KCTD1: variants seen among roughly 807,000 people sequenced by gnomAD.
KCTD1 encodes the protein potassium channel tetramerization domain containing 1, also known as BTB/POZ domain-containing protein KCTD1.
A neutral mutation model predicts 66.0 loss-of-function variants in KCTD1; 24 were observed. The observed-to-expected ratio is 0.36, with a 90% CI of 0.26 to 0.51. The LOEUF is 0.51. KCTD1 is among the 20% of genes least tolerant of loss of function. The pLI is 0.95. For synonymous variants in KCTD1, 511 were observed against 517.2 expected (o/e 0.99, Z 0.16); for missense variants, 943 against 1,205.2 (o/e 0.78, Z 3.22).
chr18:26,473,863 T>C (rs1981204343), intron 3 of KCTD1, among the ~76,000 whole-genome samples: 1 of 152,184 alleles, frequency 6.6e-6, no homozygotes, highest in Admixed American at 6.5e-5. Context: ...TATTACACTC[T>C]CTCTATTTTC....
chr18:26,568,505 G>T (rs897211713), intron 1 of KCTD1, among the ~76,000 whole-genome samples: 1 of 151,988 alleles, frequency 6.6e-6, no homozygotes, highest in Non-Finnish European at 1.5e-5. Flanking sequence ...CCAAGGTGCT[G>T]GGATTATGGG....
rs1981382288 is a variant in KCTD1 at position 26,476,994 on chromosome 18, T to TA, written c.1989-336_1989-335insT. On this transcript the variant is annotated intron_variant, in intron 2 of 4. Coordinates refer to ENST00000580059, the MANE Select transcript of KCTD1 (RefSeq NM_001142730.3). The surrounding 1 kb of genome is among the most constrained non-coding windows in gnomAD (Gnocchi z 4.9). ...TACTTAAAACAAGCATCCCTGATAC[T>TA]TAAAAAATGTTATTGCTCCAAAGCA... 1 of 191,718 alleles carries TA rather than the reference T, an allele frequency of 5.2e-6. No individual in the cohort carries two copies. The highest frequency in any genetic ancestry group is 6.2e-5 in the Admixed American group (1 of 16,218). 11.9% of individuals were successfully genotyped at this position (191,718 alleles called of 1,614,324 possible). A position where few individuals can be genotyped will look rare whatever the true frequency, so the allele number is the denominator to read the frequency against.
intron 1 of KCTD1, among the ~76,000 whole-genome samples, chr18:26,553,623 G>C (rs917263382): frequency 6.6e-6 from 1 of 152,168 alleles, no homozygotes; most frequent in South Asian, 2.1e-4. Context: ...CTATGGCTCA[G>C]TTCTCTCATT....
At chr18:26,652,726 A>G (rs1350870604) in intron 1 of KCTD1, among the ~76,000 whole-genome samples, 1 of 152,170 alleles carries the variant, frequency 6.6e-6, no homozygotes, top group Non-Finnish European at 1.5e-5. Context: ...CCAATTGTTG[A>G]ACAAATGGAG....
In KCTD1 at chr18:26,475,520, A is replaced by G. The variant is rs564158033; in HGVS notation, c.2133+995T>C. ...TATAATTTTTGTTGTATATTTTTCT[A>G]TTATAGCTTATGATTGGCTCTTGCT... On this transcript the variant is annotated intron_variant, in intron 3 of 4. Transcript: ENST00000580059. Among the ~76,000 whole-genome samples, 6 of 152,214 alleles carry G rather than the reference A, an allele frequency of 3.9e-5. No homozygotes were observed. The South Asian group carries it at 1.0e-3, about 26-fold the overall frequency.
At chr18:26,585,716 A>G (rs1986457743) in intron 1 of KCTD1, among the ~76,000 whole-genome samples, 1 of 152,252 alleles carries the variant, frequency 6.6e-6, no homozygotes, top group Admixed American at 6.5e-5. Context: ...TGTGTGACAC[A>G]TCTAATTTTA....
chr18:26,645,213 G>A (rs974676558), upstream of KCTD1, among the ~76,000 whole-genome samples: 13 of 152,130 alleles, frequency 8.5e-5, no homozygotes, highest in African/African-American at 3.1e-4. Context: ...ATGTTTCCCA[G>A]GGTTATTTGA....
At chr18:26,467,410 G>A (rs965953283) in intron 3 of KCTD1, among the ~76,000 whole-genome samples, 22 of 152,254 alleles carry the variant, frequency 1.4e-4, no homozygotes, top group African/African-American at 4.3e-4. Flanking sequence ...CAGCTACTTC[G>A]GGGGCGCTGA....
chr18:26,470,562 T>A (rs1326811489), intron 3 of KCTD1, among the ~76,000 whole-genome samples: 1 of 152,230 alleles, frequency 6.6e-6, no homozygotes, highest in Non-Finnish European at 1.5e-5. Context: ...TGGTCCTCGA[T>A]AACATTGCTG....
At chr18:26,628,050 C>T (rs1450145503) in intron 1 of KCTD1, among the ~76,000 whole-genome samples, 3 of 152,176 alleles carry the variant, frequency 2.0e-5, no homozygotes, top group African/African-American at 4.8e-5. Context: ...TATAACCTTC[C>T]CTGGGCTAGA....
rs1982963082 is a variant in KCTD1, at chr18:26,505,106, AC to A, written c.1810-3857del. On this transcript the variant is annotated intron_variant, in intron 1 of 4. Transcript: ENST00000580059. The stretch of plus-strand genomic sequence containing the variant: ...GCTAGTTTGAAATGGGATTTCTGCC[AC>A]CTGTCTTGATAAGGAATCCTTCCTG... 2.6e-5 allele frequency among the ~76,000 whole-genome samples: 4 copies of A among 152,264 alleles called. No individual in the cohort carries two copies. The South Asian group carries it at 8.3e-4, about 31-fold the overall frequency.
At chr18:26,500,225 A>C (rs1028535184) in intron 2 of KCTD1, among the ~76,000 whole-genome samples, 6 of 151,892 alleles carry the variant, frequency 4.0e-5, no homozygotes, top group African/African-American at 1.5e-4. Flanking sequence ...AGACCAGCCT[A>C]GGGAACACAG....
intron 1 of KCTD1, among the ~76,000 whole-genome samples, chr18:26,564,845 T>C (rs1271079528): frequency 1.3e-5 from 2 of 149,946 alleles, no homozygotes; most frequent in Non-Finnish European, 3.0e-5. Flanking sequence ...GCTGAGACTG[T>C]GCCATTGCAC....
intron 1 of KCTD1, among the ~76,000 whole-genome samples, chr18:26,625,556 T>C (rs554829632): frequency 6.6e-6 from 1 of 152,260 alleles, no homozygotes; most frequent in South Asian, 2.1e-4. Flanking sequence ...GATTGTAAGT[T>C]TCCTGAGGCT....
intron 1 of KCTD1, among the ~76,000 whole-genome samples, chr18:26,529,375 G>A (rs910273905): frequency 1.3e-5 from 2 of 152,140 alleles, no homozygotes; most frequent in Non-Finnish European, 2.9e-5. Context: ...TTTCTCTCCC[G>A]CCACTTCCCT....
At chr18:26,487,277 G>A (rs1466376125) in intron 2 of KCTD1, among the ~76,000 whole-genome samples, 1 of 152,212 alleles carries the variant, frequency 6.6e-6, no homozygotes, top group Non-Finnish European at 1.5e-5. Flanking sequence ...AAAGTCAAAG[G>A]AAGGAGACAG....
At chr18:26,463,725 C>CGG (rs1465389377) in intron 3 of KCTD1, among the ~76,000 whole-genome samples, 1 of 151,958 alleles carries the variant, frequency 6.6e-6, no homozygotes, top group African/African-American at 2.4e-5. Flanking sequence ...TTAGTAGAGA[C>CGG]GGGGTTTCGC....
chr18:26,467,509 C>A (rs1186576145), intron 3 of KCTD1, among the ~76,000 whole-genome samples: 1 of 151,980 alleles, frequency 6.6e-6, no homozygotes, highest in African/African-American at 2.4e-5. Context: ...CAGCGCAAGA[C>A]CCTGTCTCAA....
Position 26,546,974 on chromosome 18 carries a change from C to A in KCTD1, c.1563G>T (p.Gln521His), listed in dbSNP as rs1985259726. The change falls in exon 1 of 5, where the codon CAG becomes CAT. Residue 521 changes from glutamine (Q) to histidine (H), a missense_variant. Around this residue, in one of 10 missense-constraint regions of KCTD1, gnomAD observed 197 missense variants for 182.7 expected, o/e 1.08. Coordinates refer to ENST00000580059, the MANE Select transcript of KCTD1 (RefSeq NM_001142730.3). Reference protein sequence around the residue: ...GNTYILPKDSQVGPDVKSEAA... With the variant: ...GNTYILPKDSHVGPDVKSEAA... The stretch of plus-strand genomic sequence containing the variant: ...CCTCGGATTTCACGTCGGGCCCGAC[C>A]TGGCTGTCTTTGGGGAGGATGTAAG... 1.4e-6 allele frequency: 2 copies of A among 1,424,218 alleles called. No homozygotes were observed. Among genetic ancestry groups the A allele is most frequent in the South Asian group, 1.4e-5 (1 of 71,884 alleles). The allele number at this position is 1,424,218 out of a possible 1,614,324, so 88.2% of individuals were successfully genotyped here. A position where few individuals can be genotyped will look rare whatever the true frequency, so the allele number is the denominator to read the frequency against.
Sources: gnomAD v4.1 joint callset for allele counts (sites outside exome capture counted in the v4.1 genomes callset) on GRCh38, gnomAD v4.1.1 for gene constraint, gnomAD v4.1.1 regional missense constraint, Gnocchi (gnomAD v3.1) non-coding constraint, MANE v1.5 for transcripts, NCBI Gene and HGNC (gene_info 2026-07-23, HGNC 2026-07-21) for gene names.